The following THSD7B variants were observed in gnomAD, a reference collection of about 807,000 sequenced individuals.
The protein encoded by THSD7B is thrombospondin type-1 domain-containing protein 7B.
THSD7B carries 138 observed loss-of-function variants against 213.6 expected under a neutral mutation model. The ratio of observed to expected loss-of-function variants is 0.65; its 90% CI spans 0.56 to 0.74. The LOEUF (loss-of-function observed/expected upper bound fraction) is 0.74, where lower values mean the gene tolerates loss of function less well. THSD7B is among the 30% of genes least tolerant of loss of function. The pLI, the probability that THSD7B is intolerant of heterozygous loss-of-function variation, is 0.00. For missense variants in THSD7B, 1,931 were observed against 1,991.5 expected (o/e 0.97, Z 0.58); for synonymous variants, 742 against 687.0 (o/e 1.08, Z -1.25).
chr2:137,430,385 G>C (rs1478672220), intron 14 of THSD7B, among the ~76,000 whole-genome samples: 1 of 152,180 alleles, frequency 6.6e-6, no homozygotes, highest in Non-Finnish European at 1.5e-5. Flanking sequence ...GATATGGACT[G>C]TCCTCTGAGA....
intron 12 of THSD7B, among the ~76,000 whole-genome samples, chr2:137,361,587 C>A (rs1172140960): frequency 6.6e-6 from 1 of 152,100 alleles, no homozygotes; most frequent in Non-Finnish European, 1.5e-5. Context: ...ATGATGCATG[C>A]ACAAGCTTCA....
At chr2:136,898,557 A>C (rs1684004543) in intron 2 of THSD7B, among the ~76,000 whole-genome samples, 2 of 144,732 alleles carry the variant, frequency 1.4e-5, no homozygotes, top group African/African-American at 2.5e-5. Flanking sequence ...AGAAAATTCT[A>C]TTTAGCTCCC....
intron 27 of THSD7B, among the ~76,000 whole-genome samples, chr2:137,675,189 G>A (rs1683668869): frequency 6.6e-6 from 1 of 151,930 alleles, no homozygotes; most frequent in African/African-American, 2.4e-5. Context: ...AAATGGGGGA[G>A]GGACTGCTTG....
At chr2:137,250,343 T>C (rs1682145205) in intron 10 of THSD7B, among the ~76,000 whole-genome samples, 1 of 152,214 alleles carries the variant, frequency 6.6e-6, no homozygotes, top group Non-Finnish European at 1.5e-5. Flanking sequence ...TAAATCAAGC[T>C]AATTAATATA....
At chr2:137,398,681 G>T (rs887349930) in intron 12 of THSD7B, among the ~76,000 whole-genome samples, 7 of 152,286 alleles carry the variant, frequency 4.6e-5, no homozygotes, top group South Asian at 4.1e-4. Flanking sequence ...TTGAGCTGTG[G>T]TGGGCTCCAC....
At chr2:137,226,640 G>A (rs907312148) in intron 7 of THSD7B, among the ~76,000 whole-genome samples, 1 of 151,678 alleles carries the variant, frequency 6.6e-6, no homozygotes, top group Non-Finnish European at 1.5e-5. Context: ...GTGAACTGTA[G>A]CCAGAGCCTA....
chr2:137,264,949 G>T (rs938246005), intron 10 of THSD7B, among the ~76,000 whole-genome samples: 2 of 151,870 alleles, frequency 1.3e-5, no homozygotes, highest in Non-Finnish European at 2.9e-5. Flanking sequence ...CTAGCATTAG[G>T]TATATCTCCC....
intron 15 of THSD7B, among the ~76,000 whole-genome samples, chr2:137,496,708 A>G (rs79839197): frequency 0.017 from 2,635 of 152,290 alleles, 98 homozygotes; most frequent in African/African-American, 0.061. Flanking sequence ...GAAGGATTCT[A>G]AAGTGATCAT....
chr2:137,013,543 T>G (rs1334912518), intron 2 of THSD7B, among the ~76,000 whole-genome samples: 1 of 152,164 alleles, frequency 6.6e-6, no homozygotes, highest in Non-Finnish European at 1.5e-5. Flanking sequence ...AAACAAATAT[T>G]TATTAAATTC....
At chr2:137,336,145 TATG>T (rs1332437218) in intron 12 of THSD7B, among the ~76,000 whole-genome samples, 1 of 152,188 alleles carries the variant, frequency 6.6e-6, no homozygotes, top group African/African-American at 2.4e-5. Flanking sequence ...AACAGTTAAT[TATG>T]AGGATTAGAT....
chr2:137,635,666 G>A (rs1177384448), intron 20 of THSD7B, among the ~76,000 whole-genome samples: 1 of 151,698 alleles, frequency 6.6e-6, no homozygotes, highest in Non-Finnish European at 1.5e-5. Context: ...AAAAATAAAT[G>A]TTTAAGAAGA....
chr2:137,094,786 AGTTTTTTTTCTCATGGTAGGCACT>A lies in THSD7B; in HGVS notation c.951-86_951-63del. ...ATTAAACGCTTAAATCAAATTTCAG[AGTTTTTTTTCTCATGGTAGGCACT>A]TTATAATGTTAGTTGCATCCATTAA... On this transcript the variant is annotated intron_variant, in intron 3 of 27. Coordinates refer to ENST00000409968, the MANE Select transcript of THSD7B (RefSeq NM_001316349.2). 4 of 1,478,528 alleles carry A rather than the reference AGTTTTTTTTCTCATGGTAGGCACT, an allele frequency of 2.7e-6. No homozygotes were observed. In the South Asian group the frequency reaches 5.5e-5, roughly 20 times the overall value. 91.6% of individuals were successfully genotyped at this position (1,478,528 alleles called of 1,614,324 possible).
intron 15 of THSD7B, among the ~76,000 whole-genome samples, chr2:137,468,740 T>C (rs761255364): frequency 2.0e-5 from 3 of 152,120 alleles, no homozygotes; most frequent in Non-Finnish European, 4.4e-5. Context: ...TATATTTAGA[T>C]ACTTTATTTT....
intron 2 of THSD7B, among the ~76,000 whole-genome samples, chr2:136,957,219 A>G (rs1207235863): frequency 6.6e-6 from 1 of 152,150 alleles, no homozygotes; most frequent in African/African-American, 2.4e-5. Flanking sequence ...GTGTAACCAG[A>G]AAGAGACTCA....
At chr2:137,520,308 G>A (rs1680161663) in intron 15 of THSD7B, among the ~76,000 whole-genome samples, 1 of 152,154 alleles carries the variant, frequency 6.6e-6, no homozygotes, top group African/African-American at 2.4e-5. Context: ...TGATGATAAT[G>A]ATAATGATGA....
intron 1 of THSD7B, among the ~76,000 whole-genome samples, chr2:136,786,600 A>G (rs1040068263): frequency 6.6e-6 from 1 of 152,112 alleles, no homozygotes; most frequent in African/African-American, 2.4e-5. Flanking sequence ...TAAAATGTTC[A>G]TCAACAAACA....
Position 137,231,034 on chromosome 2 carries a change from T to C in THSD7B, c.1724-10T>C. 6.2e-7 allele frequency: 1 copy of C among 1,611,530 alleles called. No homozygotes were observed. Among genetic ancestry groups the C allele is most frequent in the East Asian group, 2.2e-5 (1 of 44,842 alleles). On this transcript the variant is annotated splice_polypyrimidine_tract_variant and intron_variant, in intron 7 of 27. Coordinates refer to ENST00000409968, the MANE Select transcript of THSD7B (RefSeq NM_001316349.2). ...TTAATCACCAACTGTCTTGATCTTG[T>C]TGATTGTAGGAGAAGATGTATCAGG...
chr2:136,852,663 GT>G (rs1333012855), intron 1 of THSD7B, among the ~76,000 whole-genome samples: 3 of 151,918 alleles, frequency 2.0e-5, no homozygotes, highest in African/African-American at 2.4e-5. Flanking sequence ...TCTTTTATAT[GT>G]TTTCTTTTAA....
chr2:136,823,984 GT>G (rs1415285505), intron 1 of THSD7B, among the ~76,000 whole-genome samples: 1 of 152,142 alleles, frequency 6.6e-6, no homozygotes, highest in Non-Finnish European at 1.5e-5. Context: ...AGTATCTGCT[GT>G]GGCTCAGAAT....
Sources: allele counts gnomAD v4.1 joint callset (sites outside exome capture counted in the v4.1 genomes callset), GRCh38; gene constraint gnomAD v4.1.1; transcripts MANE v1.5; gene names NCBI Gene and HGNC (gene_info 2026-07-23, HGNC 2026-07-21).